NHLRC2: variants seen among roughly 807,000 people sequenced by gnomAD.
The protein encoded by NHLRC2 is NHL repeat containing 2, also known as NHL repeat-containing protein 2.
Under a neutral mutation model 68.1 loss-of-function variants are expected in NHLRC2, and 33 were observed. The observed-to-expected ratio is 0.48, with a 90% CI of 0.37 to 0.65. The LOEUF is 0.65. NHLRC2 is among the 30% of genes least tolerant of loss of function. The pLI is 0.00. For synonymous variants in NHLRC2, 311 were observed against 309.6 expected, an observed-to-expected ratio of 1.00 and a Z score of -0.05; for missense variants, 761 against 853.8, an observed-to-expected ratio of 0.89 and a Z score of 1.35.
At position 113,914,902 on chromosome 10, in the gene NHLRC2, A is replaced by G. The variant is rs748889400; in HGVS notation, c.*6366A>G. 4.6e-6 allele frequency: 2 copies of G among 431,844 alleles called. No homozygotes were observed. Among genetic ancestry groups the G allele is most frequent in the South Asian group, 1.7e-5 (1 of 59,890 alleles). The allele number at this position is 431,844 out of a possible 1,614,324, so 26.8% of individuals were successfully genotyped here. On this transcript the variant is annotated 3_prime_UTR_variant, in exon 11 of 11. Coordinates refer to ENST00000369301, the MANE Select transcript of NHLRC2 (RefSeq NM_198514.4). ...ATCTACCTATATGTATTCCATGGCT[A>G]ACAAACCCTGGCCCCTTTACATATG...
intron 4 of NHLRC2, among the ~76,000 whole-genome samples, chr10:113,881,181 A>G (rs1846033448): frequency 6.6e-6 from 1 of 151,904 alleles, no homozygotes; most frequent in Admixed American, 6.6e-5. Context: ...GGTGTATTGA[A>G]TTAGTAAAAT....
At chr10:113,858,895 A>G (rs546088631) in intron 2 of NHLRC2, 6 of 379,018 alleles carry the variant, frequency 1.6e-5, no homozygotes, top group South Asian at 2.4e-4. Context: ...AGCATTTAGT[A>G]TATGGTTTTT....
In NHLRC2 at chr10:113,908,968, A is replaced by C. The variant is rs1846299636; in HGVS notation, c.*432A>C. 6.1e-6 allele frequency: 1 copy of C among 163,626 alleles called. No individual in the cohort carries two copies. The highest frequency in any genetic ancestry group is 1.7e-4 in the South Asian group (1 of 5,880). The allele number at this position is 163,626 out of a possible 1,614,324, so 10.1% of individuals were successfully genotyped here. A position where few individuals can be genotyped will look rare whatever the true frequency, so the allele number is the denominator to read the frequency against. On this transcript the variant is annotated 3_prime_UTR_variant, in exon 11 of 11. Transcript: ENST00000369301. Reference sequence around the variant, plus strand: ...TAACTTTAGGCAGAACTTAAGCTCCAGGCCACATTTGTATAAGAACACCAA... The same window carrying C: ...TAACTTTAGGCAGAACTTAAGCTCCCGGCCACATTTGTATAAGAACACCAA...
At chr10:113,863,294 G>A (rs538432546) in intron 2 of NHLRC2, among the ~76,000 whole-genome samples, 1 of 152,106 alleles carries the variant, frequency 6.6e-6, no homozygotes, top group East Asian at 1.9e-4. Context: ...GATGAAGTTA[G>A]AAAACAATAA....
In NHLRC2 at chr10:113,858,647, C is replaced by T; in HGVS notation, c.298C>T (p.Leu100Phe). 6.2e-7 allele frequency: 1 copy of T among 1,610,598 alleles called. No homozygotes were observed. Among genetic ancestry groups the T allele is most frequent in the South Asian group, 1.1e-5 (1 of 90,988 alleles). ...AAACTGTATTCACCTATTGCCTGAT[C>T]TCCATGCATTAGAACACACATACTC... Reference protein sequence around the residue: ...CINCIHLLPDLHALEHTYSDK... With the variant: ...CINCIHLLPDFHALEHTYSDK... Residue 100 changes from leucine (L) to phenylalanine (F), a missense_variant, in exon 2 of 11, where the codon CTC becomes TTC. Leu to Phe is a conservative substitution (Grantham distance 22). Coordinates refer to ENST00000369301, the MANE Select transcript of NHLRC2 (RefSeq NM_198514.4).
rs573624697 is a variant in NHLRC2 at position 113,873,286 on chromosome 10, G to A, written c.332-3235G>A. ...CTTTCTGGTGAATCTACTATAGGGA[G>A]AGCTAGAGAACCATGGGTGAGTAGG... On this transcript the variant is annotated intron_variant, in intron 2 of 10. Coordinates refer to ENST00000369301, the MANE Select transcript of NHLRC2 (RefSeq NM_198514.4). Among the ~76,000 whole-genome samples, 5 of 152,278 alleles carry A rather than the reference G, an allele frequency of 3.3e-5. 1 individual carries two copies. In the South Asian group the frequency reaches 8.3e-4, roughly 25 times the overall value.
chr10:113,890,328 C>A (rs905442548), intron 5 of NHLRC2, among the ~76,000 whole-genome samples: 1 of 152,136 alleles, frequency 6.6e-6, no homozygotes, highest in Non-Finnish European at 1.5e-5. Context: ...AAAGATATTA[C>A]TCCATTGTCT....
rs938274707 is a variant in NHLRC2, at chr10:113,854,821, C to G, written c.-52C>G. 6 of 1,484,206 alleles carry G rather than the reference C, an allele frequency of 4.0e-6. No homozygotes were observed. The highest frequency in any genetic ancestry group is 5.4e-6 in the Non-Finnish European group (6 of 1,106,574). The allele number at this position is 1,484,206 out of a possible 1,614,324, so 91.9% of individuals were successfully genotyped here. ...AGGACAGTGAACGTTTCGTCTCTCC[C>G]AGCGAGACTCTCCCGCGGGCCCGGC... On this transcript the variant is annotated 5_prime_UTR_variant, in exon 1 of 11. Coordinates refer to ENST00000369301, the MANE Select transcript of NHLRC2 (RefSeq NM_198514.4).
chr10:113,855,470 T>TTTTTTG (rs1347594668), intron 1 of NHLRC2, among the ~76,000 whole-genome samples: 1 of 151,556 alleles, frequency 6.6e-6, no homozygotes, highest in Non-Finnish European at 1.5e-5. Flanking sequence ...CACAGGGTTT[T>TTTTTTG]TTTTTGTTTT....
chr10:113,859,932 T>G (rs1181715961), intron 2 of NHLRC2, among the ~76,000 whole-genome samples: 1 of 152,192 alleles, frequency 6.6e-6, no homozygotes, highest in Non-Finnish European at 1.5e-5. Context: ...GAAGGGACAC[T>G]CCTGGCTGAG....
chr10:113,858,593 G>A lies in NHLRC2; in HGVS notation c.244G>A (p.Val82Ile), dbSNP rs760521024. The A allele has an allele frequency of 6.2e-6, 10 of 1,609,788 alleles. No homozygotes were observed. The highest frequency in any genetic ancestry group is 2.7e-5 in the African/African-American group (2 of 74,832). Residue 82 changes from valine (V) to isoleucine (I), a missense_variant, in exon 2 of 11, where the codon GTC (valine) becomes ATC (isoleucine). Physicochemically the swap from Val to Ile is conservative, Grantham distance 29. Transcript: ENST00000369301. ...VYKDLCGKIV[V>I]LDFFTYCCIN... is the part of the protein sequence containing the mutation. ...CAAGGATCTATGTGGAAAAATAGTC[G>A]TCCTTGATTTCTTCACCTACTGCTG...
chr10:113,862,267 G>A (rs193246750), intron 2 of NHLRC2, among the ~76,000 whole-genome samples: 71 of 152,112 alleles, frequency 4.7e-4, no homozygotes, highest in Non-Finnish European at 9.1e-4. Context: ...TGTAATTTGG[G>A]GCCATCAACA....
chr10:113,883,979 A>G (rs1425734237), intron 4 of NHLRC2, among the ~76,000 whole-genome samples: 1 of 151,814 alleles, frequency 6.6e-6, no homozygotes, highest in African/African-American at 2.4e-5. Flanking sequence ...TTTAGTTAAG[A>G]TGAGGTCAAT....
chr10:113,876,655 G>T lies in NHLRC2; in HGVS notation c.466G>T (p.Glu156Ter). 6.2e-7 allele frequency: 1 copy of T among 1,613,972 alleles called. No individual in the cohort carries two copies. Residue 156 changes from glutamate to a stop codon, truncating the protein, a stop_gained, in exon 3 of 11, where the codon GAA becomes TAA. Coordinates refer to ENST00000369301, the MANE Select transcript of NHLRC2 (RefSeq NM_198514.4). LOFTEE classifies it high-confidence loss of function. The part of the protein sequence containing the change: ...VNDADASLWQ[E>*]LEVSCWPTLV... ...TGATGCAGATGCCAGCCTTTGGCAA[G>T]AACTAGAAGTTTCCTGCTGGCCAAC... is the stretch of plus-strand genomic sequence containing the variant.
chr10:113,915,138 G>A lies in NHLRC2; in HGVS notation c.*6602G>A, dbSNP rs533120309. ...CTTGCTGTGGAATGTTTGCCTGGTT[G>A]TATTGGTGTGTCCCTCTTCTTCACT... is the stretch of plus-strand genomic sequence containing the variant. On this transcript the variant is annotated 3_prime_UTR_variant, in exon 11 of 11. Transcript: ENST00000369301. The A allele has an allele frequency of 2.3e-4, 107 of 456,316 alleles. 2 individuals carry two copies. Among genetic ancestry groups the A allele is most frequent in the South Asian group, 1.6e-3 (102 of 64,572 alleles). 28.3% of individuals were successfully genotyped at this position (456,316 alleles called of 1,614,324 possible).
chr10:113,908,685 ATGCTCCTTACTTACTTC>A lies in NHLRC2; in HGVS notation c.*151_*167del. 1 of 688,190 alleles carries A rather than the reference ATGCTCCTTACTTACTTC, an allele frequency of 1.5e-6. No homozygotes were observed. The highest frequency in any genetic ancestry group is 2.4e-6 in the Non-Finnish European group (1 of 415,598). 42.6% of individuals were successfully genotyped at this position (688,190 alleles called of 1,614,324 possible). On this transcript the variant is annotated 3_prime_UTR_variant, in exon 11 of 11. Transcript: ENST00000369301. ...AGACAACTGATATTAAAATAAAGCTATGCTCCTTACTTACTTCTTTTATTATAAACAAATTCCTTTGC... is the reference window on the plus strand; with the variant it reads ...AGACAACTGATATTAAAATAAAGCTATTTTATTATAAACAAATTCCTTTGC...
At chr10:113,855,376 T>C (rs1845738145) in intron 1 of NHLRC2, among the ~76,000 whole-genome samples, 1 of 152,230 alleles carries the variant, frequency 6.6e-6, no homozygotes, top group African/African-American at 2.4e-5. Context: ...CACCATTCTG[T>C]CCATTCAATC....
chr10:113,899,917 TAA>T (rs556245602), intron 6 of NHLRC2, among the ~76,000 whole-genome samples: 1 of 146,240 alleles, frequency 6.8e-6, no homozygotes, highest in African/African-American at 2.5e-5. Context: ...AGACTCCGTT[TAA>T]AAAAAAAAAA....
chr10:113,912,387 G>C lies in NHLRC2; in HGVS notation c.*3851G>C, dbSNP rs942261434. The C allele has an allele frequency of 2.6e-5, 4 of 152,168 alleles. No homozygotes were observed. The allele number at this position is 152,168 out of a possible 1,614,324, so 9.4% of individuals were successfully genotyped here. ...TGGTTATGTTAATATTCTTCATAGA[G>C]TTGGGTTCAAGAAGAGAAATGTTTT... On this transcript the variant is annotated 3_prime_UTR_variant, in exon 11 of 11. Transcript: ENST00000369301.
Sources: gnomAD v4.1 joint callset for allele counts (sites outside exome capture counted in the v4.1 genomes callset) on GRCh38, gnomAD v4.1.1 for gene constraint, MANE v1.5 for transcripts, NCBI Gene and HGNC (gene_info 2026-07-23, HGNC 2026-07-21) for gene names.